The following STXBP4 variants were observed in gnomAD, a reference collection of about 807,000 sequenced individuals.
STXBP4 encodes syntaxin-binding protein 4.
STXBP4 carries 55 observed loss-of-function variants against 76.1 expected under a neutral mutation model. That is an observed-to-expected ratio of 0.72 (90% confidence interval 0.58 to 0.91). STXBP4 has a LOEUF of 0.91. Among genes scored for constraint, STXBP4 ranks in the 40% least tolerant of loss-of-function variants. STXBP4 has a pLI of 0.00. For missense variants in STXBP4, 618 were observed against 636.9 expected (o/e 0.97, Z 0.32); for synonymous variants, 201 against 220.2 (o/e 0.91, Z 0.77).
At chr17:55,149,332 GA>G (rs1213107635) in intron 17 of STXBP4, among the ~76,000 whole-genome samples, 2 of 149,642 alleles carry the variant, frequency 1.3e-5, no homozygotes, top group Admixed American at 1.3e-4. Flanking sequence ...AATTGATGGG[GA>G]AAAAAATAAG....
intron 17 of STXBP4, among the ~76,000 whole-genome samples, chr17:55,154,838 G>C (rs2080259502): frequency 6.6e-6 from 1 of 151,938 alleles, no homozygotes; most frequent in South Asian, 2.1e-4. Context: ...CTTATAATAT[G>C]ATTTGATAGC....
rs946872996 is a variant in STXBP4 at position 55,062,768 on chromosome 17, C to A, written c.1012-10132C>A. Among the ~76,000 whole-genome samples the A allele has an allele frequency of 2.0e-5, 3 of 152,120 alleles. No homozygotes were observed. In the South Asian group the frequency reaches 6.2e-4, roughly 32 times the overall value. On this transcript the variant is annotated intron_variant, in intron 12 of 17. Transcript: ENST00000376352. Reference sequence around the variant, plus strand: ...CATCCTCTCCAGCATCTGTTGTTTCCTGACTTTTTAATGATCGCCATTCTA... The same window carrying A: ...CATCCTCTCCAGCATCTGTTGTTTCATGACTTTTTAATGATCGCCATTCTA...
downstream of STXBP4, among the ~76,000 whole-genome samples, chr17:55,174,245 A>G (rs1452479227): frequency 1.3e-5 from 2 of 152,234 alleles, no homozygotes; most frequent in African/African-American, 2.4e-5. Context: ...CTGCCTGCTT[A>G]TCTTTTCAAG....
chr17:55,143,385 T>C (rs1183380643), intron 17 of STXBP4, among the ~76,000 whole-genome samples: 1 of 152,248 alleles, frequency 6.6e-6, no homozygotes, highest in African/African-American at 2.4e-5. Context: ...GGAACTCCTT[T>C]ACCTAAACCT....
At chr17:55,012,583 A>G (rs942666779) in intron 8 of STXBP4, among the ~76,000 whole-genome samples, 3 of 152,104 alleles carry the variant, frequency 2.0e-5, no homozygotes, top group Non-Finnish European at 4.4e-5. Context: ...CTTTCTCTGC[A>G]TATTGCCTCA....
At chr17:55,009,597 C>T (rs907693791) in intron 8 of STXBP4, among the ~76,000 whole-genome samples, 2 of 152,106 alleles carry the variant, frequency 1.3e-5, no homozygotes, top group African/African-American at 4.8e-5. Flanking sequence ...TTTGGTTCCC[C>T]TTTAAGCCTT....
At chr17:54,985,994 AAC>A (rs1210975435) in intron 2 of STXBP4, 146 bp from the exon 3 acceptor site, 1 of 511,736 alleles carries the variant, frequency 2.0e-6, no homozygotes, top group African/African-American at 2.0e-5. Context: ...AAAATGCCAT[AAC>A]ACAAAATACA....
chr17:55,148,155 G>A (rs1439431126), intron 17 of STXBP4, among the ~76,000 whole-genome samples: 1 of 152,158 alleles, frequency 6.6e-6, no homozygotes, highest in African/African-American at 2.4e-5. Flanking sequence ...TCTCCAGTCA[G>A]AATTCATTAA....
At chr17:55,031,146 T>C in intron 8 of STXBP4, 22 bp from the exon 9 acceptor site, 1 of 1,591,536 alleles carries the variant, frequency 6.3e-7, no homozygotes. Flanking sequence ...AAATTGCTTT[T>C]CATGAGTCCT....
intron 17 of STXBP4, among the ~76,000 whole-genome samples, chr17:55,156,835 G>C (rs920261520): frequency 1.3e-5 from 2 of 152,172 alleles, no homozygotes; most frequent in Non-Finnish European, 2.9e-5. Context: ...TTTGGAGTAA[G>C]ATCAGATGTG....
At chr17:55,049,279 C>A (rs2078829674) in intron 12 of STXBP4, among the ~76,000 whole-genome samples, 1 of 151,756 alleles carries the variant, frequency 6.6e-6, no homozygotes, top group Admixed American at 6.6e-5. Flanking sequence ...CTAAAAAATG[C>A]CTAAAATAAC....
chr17:54,968,890 A>C, intron 1 of STXBP4, 75 bp downstream of exon 1: 2 of 439,206 alleles, frequency 4.6e-6, no homozygotes, highest in South Asian at 3.6e-5. Flanking sequence ...CATTTAGGAA[A>C]ATGCGTTTCG....
chr17:54,980,982 A>G (rs2077543377), intron 1 of STXBP4, among the ~76,000 whole-genome samples: 1 of 151,954 alleles, frequency 6.6e-6, no homozygotes, highest in Non-Finnish European at 1.5e-5. Flanking sequence ...CTCATTAGTC[A>G]ATATTAGTGT....
intron 17 of STXBP4, among the ~76,000 whole-genome samples, chr17:55,147,656 A>G (rs17711168): frequency 0.24 from 37,016 of 152,134 alleles, 4,988 homozygotes; most frequent in South Asian, 0.32. Context: ...TCTTTATCAC[A>G]TAGGCAGTAT....
At chr17:55,075,566 A>T (rs768892614) in intron 13 of STXBP4, among the ~76,000 whole-genome samples, 8 of 152,188 alleles carry the variant, frequency 5.3e-5, no homozygotes, top group Non-Finnish European at 1.0e-4. Context: ...GAATAATTGT[A>T]AGTTTGGCTT....
intron 17 of STXBP4, among the ~76,000 whole-genome samples, chr17:55,147,679 A>G (rs1248402344): frequency 6.6e-6 from 1 of 152,226 alleles, no homozygotes; most frequent in Non-Finnish European, 1.5e-5. Context: ...TTCTTAGAAC[A>G]TTACAAATGC....
At chr17:55,106,210 AT>A (rs1158165469) in intron 16 of STXBP4, among the ~76,000 whole-genome samples, 5 of 151,356 alleles carry the variant, frequency 3.3e-5, no homozygotes, top group Non-Finnish European at 7.4e-5. Flanking sequence ...CCATTATATA[AT>A]GCCCTTCTTT....
At chr17:55,075,552 A>C (rs1447007847) in intron 13 of STXBP4, among the ~76,000 whole-genome samples, 1 of 152,158 alleles carries the variant, frequency 6.6e-6, no homozygotes, top group African/African-American at 2.4e-5. Flanking sequence ...AGAATTGCTA[A>C]GTTGAATAAT....
chr17:55,130,574 A>G (rs2079963548), intron 16 of STXBP4, among the ~76,000 whole-genome samples: 1 of 152,200 alleles, frequency 6.6e-6, no homozygotes, highest in Non-Finnish European at 1.5e-5. Flanking sequence ...TATACAACAC[A>G]TTCTTATTAA....
Sources: allele counts gnomAD v4.1 joint callset (sites outside exome capture counted in the v4.1 genomes callset), GRCh38; gene constraint gnomAD v4.1.1; transcripts MANE v1.5; gene names NCBI Gene and HGNC (gene_info 2026-07-23, HGNC 2026-07-21).